The following PLGRKT variants were observed in gnomAD, a reference collection of about 807,000 sequenced individuals.
PLGRKT encodes plasminogen receptor (KT).
In PLGRKT, 22 loss-of-function variants were observed where a neutral mutation model predicts 18.5. The observed-to-expected ratio is 1.19, with a 90% CI of 0.85 to 1.70. The LOEUF (loss-of-function observed/expected upper bound fraction) is 1.70, where lower values mean the gene tolerates loss of function less well. Among genes scored for constraint, PLGRKT ranks in the 40% most tolerant of loss-of-function variants. The probability of loss-of-function intolerance (pLI) is 0.00; values close to 1 mark genes in which losing one functional copy is unlikely to be tolerated. For synonymous variants in PLGRKT, 72 were observed against 52.8 expected, an observed-to-expected ratio of 1.36 and a Z score of -1.58; for missense variants, 235 against 174.4, an observed-to-expected ratio of 1.35 and a Z score of -1.96.
At chr9:5,422,989 G>A (rs765685260) in intron 3 of PLGRKT, among the ~76,000 whole-genome samples, 7 of 152,060 alleles carry the variant, frequency 4.6e-5, no homozygotes, top group Admixed American at 4.6e-4. Context: ...ATATTTGCAC[G>A]TTTAAAATTT....
chr9:5,418,692 G>T lies in PLGRKT; in HGVS notation c.81+13205C>A. On this transcript the variant is annotated intron_variant, in intron 3 of 5. Coordinates refer to ENST00000223864, the MANE Select transcript of PLGRKT (RefSeq NM_018465.4). The surrounding 1 kb of genome is among the most constrained non-coding windows in gnomAD (Gnocchi z 4.2). ...GCAGGGGCAGCATGTAGCACCCACT[G>T]CCGGGAAGTCTGATGAAGACCGGCA... 1.5e-6 allele frequency: 1 copy of T among 663,174 alleles called. No individual in the cohort carries two copies. Among genetic ancestry groups the T allele is most frequent in the East Asian group, 2.8e-5 (1 of 35,384 alleles). 41.1% of individuals were successfully genotyped at this position (663,174 alleles called of 1,614,324 possible).
intron 2 of PLGRKT, among the ~76,000 whole-genome samples, chr9:5,432,805 T>C (rs970090596): frequency 6.6e-6 from 1 of 152,200 alleles, no homozygotes; most frequent in Non-Finnish European, 1.5e-5. Context: ...GTGCTCAATG[T>C]TGCCCAGGCT....
At chr9:5,407,752 A>T (rs1363857701) in intron 3 of PLGRKT, among the ~76,000 whole-genome samples, 6 of 152,212 alleles carry the variant, frequency 3.9e-5, no homozygotes, top group African/African-American at 4.8e-5. Context: ...TACCCTAAAA[A>T]CCCTAGGAAC....
chr9:5,419,798 T>C (rs982300612), intron 3 of PLGRKT, among the ~76,000 whole-genome samples: 2 of 152,150 alleles, frequency 1.3e-5, no homozygotes, highest in African/African-American at 4.8e-5. Context: ...GTGGCCATGG[T>C]GGAAAAGAGT....
At chr9:5,391,736 G>A (rs917494300) in intron 3 of PLGRKT, among the ~76,000 whole-genome samples, 6 of 151,886 alleles carry the variant, frequency 4.0e-5, no homozygotes, top group South Asian at 2.1e-4. Context: ...AGGTTCAGTC[G>A]TATTCATGCT....
At chr9:5,370,871 T>G (rs900692075) in intron 3 of PLGRKT, among the ~76,000 whole-genome samples, 2 of 152,208 alleles carry the variant, frequency 1.3e-5, no homozygotes, top group Non-Finnish European at 2.9e-5. Context: ...ATATGTTAAA[T>G]GTTCAATGTC....
intron 3 of PLGRKT, among the ~76,000 whole-genome samples, chr9:5,410,872 C>A (rs1818349342): frequency 6.6e-6 from 1 of 151,988 alleles, no homozygotes; most frequent in Non-Finnish European, 1.5e-5. Flanking sequence ...CAGCCTTTTA[C>A]CTTGAGACCA....
At chr9:5,433,344 CAT>C (rs1818873297) in intron 2 of PLGRKT, among the ~76,000 whole-genome samples, 1 of 151,336 alleles carries the variant, frequency 6.6e-6, no homozygotes, top group African/African-American at 2.4e-5. Flanking sequence ...CCTGACCGCC[CAT>C]CGTCTGGGGT....
At chr9:5,415,753 T>G (rs1818447179) in intron 3 of PLGRKT, among the ~76,000 whole-genome samples, 1 of 152,080 alleles carries the variant, frequency 6.6e-6, no homozygotes, top group Admixed American at 6.6e-5. Flanking sequence ...GAGAAAATAT[T>G]GAACAAACCC....
At chr9:5,382,481 C>T (rs1817766064) in intron 3 of PLGRKT, among the ~76,000 whole-genome samples, 2 of 151,970 alleles carry the variant, frequency 1.3e-5, no homozygotes, top group Admixed American at 1.3e-4. Flanking sequence ...ACAGCATGGG[C>T]CAAAGCCTGG....
intron 3 of PLGRKT, among the ~76,000 whole-genome samples, chr9:5,400,626 G>A (rs552408826): frequency 5.9e-5 from 9 of 152,018 alleles, no homozygotes; most frequent in South Asian, 2.1e-4. Flanking sequence ...AAAGCACTGT[G>A]TAAAATAATT....
intron 3 of PLGRKT, among the ~76,000 whole-genome samples, chr9:5,387,333 G>A (rs1234418070): frequency 6.6e-6 from 1 of 151,838 alleles, no homozygotes; most frequent in Non-Finnish European, 1.5e-5. Flanking sequence ...GAGTACCCAA[G>A]AGGAATGAAC....
In PLGRKT at chr9:5,371,986, C is replaced by CTTTTTTTTTTTTTTTT. The variant is rs71326158; in HGVS notation, c.82-10099_82-10098insAAAAAAAAAAAAAAAA. On this transcript the variant is annotated intron_variant, in intron 3 of 5. Transcript: ENST00000223864. ...CTGCAAAAAACAATATCAGAAAATC[C>CTTTTTTTTTTTTTTTT]TTTTTTTTTTTTTGATATGGAGTCT... Among the ~76,000 whole-genome samples, 166 of 89,114 alleles carry CTTTTTTTTTTTTTTTT rather than the reference C, an allele frequency of 1.9e-3. 31 individuals carry two copies. The highest frequency in any genetic ancestry group is 5.3e-3 in the African/African-American group (103 of 19,528). 58.5% of individuals were successfully genotyped at this position (89,114 alleles called of 152,430 possible).
At chr9:5,384,356 T>C (rs1817802474) in intron 3 of PLGRKT, among the ~76,000 whole-genome samples, 1 of 152,122 alleles carries the variant, frequency 6.6e-6, no homozygotes, top group Admixed American at 6.5e-5. Flanking sequence ...TTTATGAAAT[T>C]TCAGATAAAG....
At chr9:5,396,059 A>C (rs1355962988) in intron 3 of PLGRKT, among the ~76,000 whole-genome samples, 1 of 151,356 alleles carries the variant, frequency 6.6e-6, no homozygotes, top group Non-Finnish European at 1.5e-5. Flanking sequence ...ATGCCCGGCT[A>C]ATTTTTGTAG....
intron 3 of PLGRKT, among the ~76,000 whole-genome samples, chr9:5,414,160 T>C (rs1302158027): frequency 6.6e-6 from 1 of 152,122 alleles, no homozygotes; most frequent in Non-Finnish European, 1.5e-5. Context: ...GAACATTTCT[T>C]GGAGTGTATC....
At chr9:5,401,992 C>T (rs1009070443) in intron 3 of PLGRKT, among the ~76,000 whole-genome samples, 2 of 151,660 alleles carry the variant, frequency 1.3e-5, no homozygotes, top group Non-Finnish European at 2.9e-5. Context: ...ACAGCAAAGT[C>T]TTACCCAAAA....
chr9:5,391,228 G>A (rs943740053), intron 3 of PLGRKT, among the ~76,000 whole-genome samples: 2 of 152,062 alleles, frequency 1.3e-5, no homozygotes, highest in South Asian at 4.1e-4. Context: ...TTTGATTTGT[G>A]CTAAGTCAAA....
chr9:5,367,585 T>C (rs1241047389), intron 3 of PLGRKT, among the ~76,000 whole-genome samples: 2 of 152,076 alleles, frequency 1.3e-5, no homozygotes. Context: ...ATACAAAACT[T>C]AACTCAAAAT....
Sources: gnomAD v4.1 joint callset for allele counts (sites outside exome capture counted in the v4.1 genomes callset) on GRCh38, gnomAD v4.1.1 for gene constraint, Gnocchi (gnomAD v3.1) non-coding constraint, MANE v1.5 for transcripts, NCBI Gene and HGNC (gene_info 2026-07-23, HGNC 2026-07-21) for gene names.